The following PARD3B variants were observed in gnomAD, a reference collection of about 807,000 sequenced individuals.
PARD3B encodes the protein par-3 family cell polarity regulator beta.
Under a neutral mutation model 130.2 loss-of-function variants are expected in PARD3B, and 103 were observed. That is an observed-to-expected ratio of 0.79 (90% CI 0.67 to 0.93). The LOEUF (loss-of-function observed/expected upper bound fraction) is 0.93. PARD3B is among the 40% of genes least tolerant of loss of function. PARD3B has a pLI of 0.00. For synonymous variants in PARD3B, 583 were observed against 553.2 expected (o/e 1.05, Z -0.76); for missense variants, 1,609 against 1,499.2 (o/e 1.07, Z -1.21).
intron 19 of PARD3B, among the ~76,000 whole-genome samples, chr2:205,418,052 T>A (rs1025915374): frequency 6.6e-6 from 1 of 152,218 alleles, no homozygotes; most frequent in African/African-American, 2.4e-5. Flanking sequence ...AGGTCACCTT[T>A]ACTTGGTCAC....
At chr2:205,374,580 A>G (rs180670840) in intron 18 of PARD3B, among the ~76,000 whole-genome samples, 2 of 152,110 alleles carry the variant, frequency 1.3e-5, no homozygotes, top group East Asian at 3.9e-4. Flanking sequence ...TATTCTATAT[A>G]TTTTGCCTGG....
intron 18 of PARD3B, among the ~76,000 whole-genome samples, chr2:205,307,481 A>G (rs2042226164): frequency 1.3e-5 from 2 of 152,182 alleles, no homozygotes; most frequent in Admixed American, 1.3e-4. Flanking sequence ...AAATTTTTTC[A>G]TTATATGTTT....
At chr2:204,998,358 A>ATATATATATATG (rs1400529301) in intron 3 of PARD3B, among the ~76,000 whole-genome samples, 6 of 69,822 alleles carry the variant, frequency 8.6e-5, no homozygotes, top group Non-Finnish European at 1.0e-4. Context: ...ATATATATAT[A>ATATATATATATG]TGTGTGTGTG....
intron 16 of PARD3B, among the ~76,000 whole-genome samples, chr2:205,271,631 T>C (rs1200849336): frequency 1.3e-5 from 2 of 152,178 alleles, no homozygotes; most frequent in Admixed American, 1.3e-4. Context: ...TAGTTGTGAA[T>C]CTTCATTTTG....
intron 18 of PARD3B, among the ~76,000 whole-genome samples, chr2:205,385,355 A>C (rs1211977151): frequency 6.6e-6 from 1 of 152,156 alleles, no homozygotes; most frequent in Admixed American, 6.6e-5. Context: ...AAAGAACAAT[A>C]TGCAGTGTGA....
intron 15 of PARD3B, 123 bp from the exon 16 acceptor site, chr2:205,245,655 T>A: frequency 1.4e-6 from 1 of 707,994 alleles, no homozygotes; most frequent in South Asian, 2.8e-5. Context: ...GAGAAAAAAA[T>A]GTTTCTCAAA....
chr2:205,257,251 A>C (rs766056733), intron 16 of PARD3B, among the ~76,000 whole-genome samples: 5 of 152,144 alleles, frequency 3.3e-5, no homozygotes, highest in Non-Finnish European at 7.4e-5. Flanking sequence ...GAAACAGCTT[A>C]CAAATTTCAC....
chr2:205,543,439 C>T (rs2052253032), intron 21 of PARD3B, among the ~76,000 whole-genome samples: 1 of 152,180 alleles, frequency 6.6e-6, no homozygotes. Flanking sequence ...TGCAGACAGT[C>T]ACAGACTATT....
At chr2:205,559,445 C>A (rs1253765568) in intron 22 of PARD3B, among the ~76,000 whole-genome samples, 1 of 151,936 alleles carries the variant, frequency 6.6e-6, no homozygotes, top group Non-Finnish European at 1.5e-5. Context: ...TATACCTAGC[C>A]AAGAATAGAT....
At chr2:205,157,702 A>G (rs2034265234) in intron 10 of PARD3B, among the ~76,000 whole-genome samples, 1 of 152,222 alleles carries the variant, frequency 6.6e-6, no homozygotes, top group Non-Finnish European at 1.5e-5. Context: ...ATATAATTAT[A>G]GAGAGGAAGG....
chr2:204,861,162 T>TTCTCTCTCTCTCTCTCTCTC (rs60740602), intron 2 of PARD3B, among the ~76,000 whole-genome samples: 3 of 91,310 alleles, frequency 3.3e-5, no homozygotes, highest in Non-Finnish European at 4.9e-5. Flanking sequence ...CCTAATACCT[T>TTCTCTCTCTCTCTCTCTCTC]TCTCTCTCTC....
chr2:204,975,230 G>A (rs1310042594), intron 3 of PARD3B, among the ~76,000 whole-genome samples: 17 of 152,032 alleles, frequency 1.1e-4, no homozygotes, highest in Non-Finnish European at 4.4e-5. Context: ...GAGGTTCAAG[G>A]TATTCATAAA....
intron 2 of PARD3B, among the ~76,000 whole-genome samples, chr2:204,700,003 A>G (rs1017636288): frequency 1.3e-5 from 2 of 152,144 alleles, no homozygotes; most frequent in African/African-American, 4.8e-5. Flanking sequence ...GTTCCAAGAA[A>G]GTCTAGGTTG....
chr2:205,334,951 G>A (rs186344621), intron 18 of PARD3B, among the ~76,000 whole-genome samples: 5 of 152,108 alleles, frequency 3.3e-5, no homozygotes, highest in Admixed American at 2.0e-4. Context: ...GGTTTCATAC[G>A]TTTCTCCATG....
At chr2:205,254,666 TTTA>T (rs770847794) in intron 16 of PARD3B, among the ~76,000 whole-genome samples, 3 of 130,226 alleles carry the variant, frequency 2.3e-5, no homozygotes, top group African/African-American at 3.2e-5. Flanking sequence ...TTTATTTTAT[TTTA>T]TTTTTTTTTT....
At position 205,333,294 on chromosome 2, in the gene PARD3B, G is replaced by GT. The variant is rs533850530; in HGVS notation, c.2630+31594dup. ...GTCTGAATTGAGGGGAGCTAAAAGA[G>GT]TAAAAGACACATTTTAGTATAAAAA... On this transcript the variant is annotated intron_variant, in intron 18 of 22. Transcript: ENST00000406610. Among the ~76,000 whole-genome samples the GT allele has an allele frequency of 6.8e-3, 1,017 of 149,402 alleles. 7 individuals are homozygous for GT. Among genetic ancestry groups the GT allele is most frequent in the Middle Eastern group, 0.014 (4 of 280 alleles).
intron 2 of PARD3B, among the ~76,000 whole-genome samples, chr2:204,953,262 G>C (rs1689946241): frequency 6.6e-6 from 1 of 152,052 alleles, no homozygotes; most frequent in Non-Finnish European, 1.5e-5. Flanking sequence ...TGAATATAAT[G>C]TGAAATGTTA....
At chr2:204,827,922 C>G (rs1196445238) in intron 2 of PARD3B, among the ~76,000 whole-genome samples, 2 of 152,152 alleles carry the variant, frequency 1.3e-5, no homozygotes, top group Admixed American at 1.3e-4. Flanking sequence ...CTGTTTCATT[C>G]TCTTCTCTGC....
rs1206161858 is a variant in PARD3B at position 204,784,564 on chromosome 2, C to CT, written c.222+98285dup. Reference sequence around the variant, plus strand: ...GCCACGGATGGAGGAACTAATTTTACTTTGGGGTATTGGAAACCAACAGTA... The same window carrying CT: ...GCCACGGATGGAGGAACTAATTTTACTTTTGGGGTATTGGAAACCAACAGTA... On this transcript the variant is annotated intron_variant, in intron 2 of 22. Coordinates refer to ENST00000406610, the MANE Select transcript of PARD3B (RefSeq NM_001302769.2). Among the ~76,000 whole-genome samples the CT allele has an allele frequency of 2.0e-5, 3 of 152,230 alleles. No individual in the cohort carries two copies. In the East Asian group the frequency reaches 5.8e-4, roughly 29 times the overall value.
Sources: gnomAD v4.1 joint callset for allele counts (sites outside exome capture counted in the v4.1 genomes callset) on GRCh38, gnomAD v4.1.1 for gene constraint, MANE v1.5 for transcripts, NCBI Gene and HGNC (gene_info 2026-07-23, HGNC 2026-07-21) for gene names.